Variants in CNTNAP4 observed in about 807,000 individuals in gnomAD.
CNTNAP4 encodes contactin-associated protein-like 4.
CNTNAP4 carries 98 observed loss-of-function variants against 148.4 expected under a neutral mutation model. The observed-to-expected ratio is 0.66, with a 90% CI of 0.56 to 0.78. The LOEUF (loss-of-function observed/expected upper bound fraction) is 0.78, where lower values mean the gene tolerates loss of function less well. CNTNAP4 is among the 30% of genes least tolerant of loss of function. CNTNAP4 has a pLI of 0.00. For missense variants in CNTNAP4, 1,935 were observed against 1,565.6 expected, an observed-to-expected ratio of 1.24 and a Z score of -3.98; for synonymous variants, 730 against 565.1, an observed-to-expected ratio of 1.29 and a Z score of -4.14.
intron 15 of CNTNAP4, among the ~76,000 whole-genome samples, 171 bp from the exon 16 acceptor site, chr16:76,520,969 A>T (rs1037016761): frequency 6.6e-6 from 1 of 152,168 alleles, no homozygotes; most frequent in Non-Finnish European, 1.5e-5. Flanking sequence ...CTCTTATGAT[A>T]TACTCATATC....
At chr16:76,496,582 T>C (rs1282943612) in intron 14 of CNTNAP4, among the ~76,000 whole-genome samples, 1 of 152,094 alleles carries the variant, frequency 6.6e-6, no homozygotes, top group African/African-American at 2.4e-5. Context: ...ATATCCCAGA[T>C]ATAGAGATAG....
At chr16:76,549,455 C>T (rs534837394) in intron 21 of CNTNAP4, among the ~76,000 whole-genome samples, 2 of 151,994 alleles carry the variant, frequency 1.3e-5, no homozygotes, top group South Asian at 2.1e-4. Flanking sequence ...GGCTGGGCAC[C>T]GGCAAGCAGA....
chr16:76,445,468 A>G (rs1437107241), intron 4 of CNTNAP4, among the ~76,000 whole-genome samples: 1 of 152,208 alleles, frequency 6.6e-6, no homozygotes, highest in East Asian at 1.9e-4. Flanking sequence ...GAATGAATTC[A>G]TAGAATTGCA....
intron 3 of CNTNAP4, among the ~76,000 whole-genome samples, chr16:76,358,211 C>T (rs973417795): frequency 6.6e-6 from 1 of 152,120 alleles, no homozygotes; most frequent in African/African-American, 2.4e-5. Flanking sequence ...TGACATGTGC[C>T]TATAATCCCA....
At chr16:76,516,409 G>A (rs2083257204) in intron 15 of CNTNAP4, among the ~76,000 whole-genome samples, 1 of 152,148 alleles carries the variant, frequency 6.6e-6, no homozygotes, top group Non-Finnish European at 1.5e-5. Flanking sequence ...ACATACATGT[G>A]CAAATGATTT....
intron 3 of CNTNAP4, among the ~76,000 whole-genome samples, chr16:76,410,855 A>G (rs1473667290): frequency 6.6e-6 from 1 of 151,634 alleles, no homozygotes; most frequent in Non-Finnish European, 1.5e-5. Context: ...TGTATTCACT[A>G]AATCTTAATA....
chr16:76,294,679 G>A (rs1959192997), intron 1 of CNTNAP4, among the ~76,000 whole-genome samples: 1 of 152,120 alleles, frequency 6.6e-6, no homozygotes, highest in Admixed American at 6.6e-5. Flanking sequence ...GTCTATTAAA[G>A]TGTTCCAAAA....
chr16:76,462,490 C>T (rs2081014009), intron 9 of CNTNAP4, among the ~76,000 whole-genome samples: 1 of 152,158 alleles, frequency 6.6e-6, no homozygotes, highest in South Asian at 2.1e-4. Flanking sequence ...CTTATTGCTT[C>T]CCTACTGTCC....
chr16:76,507,480 T>A (rs150243969), intron 15 of CNTNAP4, among the ~76,000 whole-genome samples: 1,529 of 97,906 alleles, frequency 0.016, 571 homozygotes, highest in Non-Finnish European at 0.03. Context: ...GCAATGTTTG[T>A]CTTTCTGTAC....
intron 17 of CNTNAP4, among the ~76,000 whole-genome samples, chr16:76,524,277 G>A (rs2083615806): frequency 1.3e-5 from 2 of 152,062 alleles, no homozygotes; most frequent in Non-Finnish European, 1.5e-5. Context: ...TGTATGAGAA[G>A]AAATATATAA....
chr16:76,435,884 G>T (rs2079805036), intron 4 of CNTNAP4, among the ~76,000 whole-genome samples: 1 of 152,168 alleles, frequency 6.6e-6, no homozygotes, highest in East Asian at 1.9e-4. Context: ...AATTCAGCCT[G>T]ATCTAATTCT....
chr16:76,449,491 A>T (rs1385436384), intron 6 of CNTNAP4, among the ~76,000 whole-genome samples: 1 of 152,206 alleles, frequency 6.6e-6, no homozygotes, highest in Non-Finnish European at 1.5e-5. Context: ...ACCAGTGAAT[A>T]TCAAAGCCAG....
At position 76,560,484 on chromosome 16, in the gene CNTNAP4, GC is replaced by G; in HGVS notation, c.*1802del. 6.6e-6 allele frequency among the ~76,000 whole-genome samples: 1 copy of G among 152,274 alleles called. No homozygotes were observed. The highest frequency in any genetic ancestry group is 6.5e-5 in the Admixed American group (1 of 15,298). On this transcript the variant is annotated 3_prime_UTR_variant, in exon 24 of 24. Coordinates refer to ENST00000611870, the MANE Select transcript of CNTNAP4 (RefSeq NM_033401.5). ...AAGGGAAGGATTTAACATAGAAATG[GC>G]ATTATTTATTCGATGCAAAGCTGAG... is the stretch of plus-strand genomic sequence containing the variant.
chr16:76,519,975 G>T (rs1270666651), intron 15 of CNTNAP4, among the ~76,000 whole-genome samples: 2 of 152,164 alleles, frequency 1.3e-5, no homozygotes, highest in South Asian at 2.1e-4. Flanking sequence ...CTGTATCTTG[G>T]TATCTGTTCT....
At chr16:76,526,266 A>G (rs1291474979) in intron 17 of CNTNAP4, among the ~76,000 whole-genome samples, 1 of 152,156 alleles carries the variant, frequency 6.6e-6, no homozygotes, top group Non-Finnish European at 1.5e-5. Flanking sequence ...TAGGGATTCA[A>G]GGAACAAGGA....
intron 11 of CNTNAP4, among the ~76,000 whole-genome samples, chr16:76,478,474 A>G (rs58074382): frequency 0.043 from 6,615 of 152,310 alleles, 328 homozygotes; most frequent in African/African-American, 0.12. Flanking sequence ...TTTTGGTAAC[A>G]TTGAACAAAT....
At chr16:76,532,472 C>T (rs1319118748) in intron 17 of CNTNAP4, among the ~76,000 whole-genome samples, 1 of 152,066 alleles carries the variant, frequency 6.6e-6, no homozygotes, top group Non-Finnish European at 1.5e-5. Context: ...TTGTTGGACC[C>T]CAAGTTATTT....
chr16:76,294,253 C>G (rs988926585), intron 1 of CNTNAP4, among the ~76,000 whole-genome samples: 11 of 152,170 alleles, frequency 7.2e-5, no homozygotes, highest in African/African-American at 2.7e-4. Flanking sequence ...AAAGAGCAGA[C>G]TGTGATCCAT....
intron 23 of CNTNAP4, among the ~76,000 whole-genome samples, chr16:76,554,962 T>A (rs2085128310): frequency 6.6e-6 from 1 of 151,942 alleles, no homozygotes; most frequent in South Asian, 2.1e-4. Context: ...CAACTTGTTA[T>A]TTATTCATAT....
Sources: gnomAD v4.1 joint callset for allele counts (sites outside exome capture counted in the v4.1 genomes callset) on GRCh38, gnomAD v4.1.1 for gene constraint, MANE v1.5 for transcripts, NCBI Gene and HGNC (gene_info 2026-07-23, HGNC 2026-07-21) for gene names.